PAXIP1: variants seen among roughly 807,000 people sequenced by gnomAD.
The protein encoded by PAXIP1 is PAX interacting protein 1, also known as PAX-interacting protein 1.
Under a neutral mutation model 140.6 loss-of-function variants are expected in PAXIP1, and 19 were observed. The observed-to-expected ratio is 0.14, with a 90% CI of 0.09 to 0.20. PAXIP1 has a LOEUF of 0.20. Ranked by LOEUF, PAXIP1 falls within the 10% of genes least tolerant of loss-of-function variation. PAXIP1 has a pLI of 1.00. For synonymous variants in PAXIP1, 442 were observed against 444.6 expected, an observed-to-expected ratio of 0.99 and a Z score of 0.07; for missense variants, 920 against 1,208.6, an observed-to-expected ratio of 0.76 and a Z score of 3.54.
In PAXIP1 at chr7:154,963,766, T is replaced by A. The variant is rs1242033544; in HGVS notation, c.1894A>T (p.Ile632Leu). ...ACAGTGCCGCCATGTGCCTGGATTATCTACACACAAAGACCCGACCAATGC... is the reference window on the plus strand; with the variant it reads ...ACAGTGCCGCCATGTGCCTGGATTAACTACACACAAAGACCCGACCAATGC... ...DKQLLATWKRIIQAHGGTVDP... is the reference protein window; with the variant it reads ...DKQLLATWKRLIQAHGGTVDP... The change falls in exon 9 of 21, where the codon ATA becomes TTA. Residue 632 changes from isoleucine (I) to leucine (L), a missense_variant and splice_region_variant. Physicochemically the swap from Ile to Leu is conservative, Grantham distance 5. Transcript: ENST00000404141. This position sits in a 1 kb window ranked among gnomAD's most constrained non-coding sequence, Gnocchi z 4.1. 2 of 1,610,670 alleles carry A rather than the reference T, an allele frequency of 1.2e-6. No homozygotes were observed. The highest frequency in any genetic ancestry group is 8.5e-7 in the Non-Finnish European group (1 of 1,177,598).
chr7:154,952,138 T>C (rs2150742088), intron 16 of PAXIP1: 1 of 152,386 alleles, frequency 6.6e-6, no homozygotes, highest in South Asian at 2.1e-4. Flanking sequence ...TAATACCTTT[T>C]TAGAGTCAAA....
At chr7:154,964,550 T>A (rs1364790990) in intron 8 of PAXIP1, 3 of 152,182 alleles carry the variant, frequency 2.0e-5, no homozygotes, top group Admixed American at 2.0e-4. Context: ...TCCTCACCCA[T>A]CCCTGCTTTT....
At chr7:154,948,079 G>A (rs1305088736) in intron 16 of PAXIP1, 76 bp from the exon 17 acceptor site, 25 of 939,252 alleles carry the variant, frequency 2.7e-5, no homozygotes, top group Middle Eastern at 2.1e-4. Context: ...CAAAATTCTC[G>A]CCCATATTCA....
chr7:154,991,982 G>A (rs188486171), intron 3 of PAXIP1, among the ~76,000 whole-genome samples: 7 of 152,242 alleles, frequency 4.6e-5, no homozygotes, highest in Non-Finnish European at 7.4e-5. Flanking sequence ...TTCCCTGGCT[G>A]TAAAAAAAAC....
intron 16 of PAXIP1, among the ~76,000 whole-genome samples, chr7:154,953,769 G>A (rs4546614): frequency 6.6e-6 from 1 of 151,974 alleles, no homozygotes; most frequent in African/African-American, 2.4e-5. Flanking sequence ...TACATACCAT[G>A]TCTAAATGTG....
chr7:154,985,090 C>T (rs1218761440), intron 4 of PAXIP1, among the ~76,000 whole-genome samples: 3 of 152,160 alleles, frequency 2.0e-5, no homozygotes, highest in Non-Finnish European at 4.4e-5. Flanking sequence ...TTTGAACATC[C>T]ATACCAGCTC....
chr7:154,963,733 T>C lies in PAXIP1; in HGVS notation c.1927A>G (p.Thr643Ala). 1 of 1,613,364 alleles carries C rather than the reference T, an allele frequency of 6.2e-7. No homozygotes were observed. The highest frequency in any genetic ancestry group is 8.5e-7 in the Non-Finnish European group (1 of 1,179,692). ...IQAHGGTVDP[T>A]FTSRCTHLLC... ...AGGTGCGTGCATCGACTCGTGAAGGTGGGGTCAACAGTGCCGCCATGTGCC... is the reference window on the plus strand; with the variant it reads ...AGGTGCGTGCATCGACTCGTGAAGGCGGGGTCAACAGTGCCGCCATGTGCC... Residue 643 changes from threonine to alanine, a missense_variant, in exon 9 of 21, where the codon ACC becomes GCC. Coordinates refer to ENST00000404141, the MANE Select transcript of PAXIP1 (RefSeq NM_007349.4). This position sits in a 1 kb window ranked among gnomAD's most constrained non-coding sequence, Gnocchi z 4.1.
intron 2 of PAXIP1, among the ~76,000 whole-genome samples, chr7:154,995,672 A>G (rs1810559148): frequency 1.3e-5 from 2 of 152,202 alleles, no homozygotes; most frequent in African/African-American, 2.4e-5. Flanking sequence ...CAACATGGTG[A>G]AACCCCGTCT....
intron 8 of PAXIP1, chr7:154,965,577 G>C (rs1170707597): frequency 6.6e-6 from 1 of 152,188 alleles, no homozygotes; most frequent in Non-Finnish European, 1.5e-5. Flanking sequence ...CCTCCTCCTA[G>C]GCCCACTCAT....
At chr7:154,995,596 T>C (rs1810549755) in intron 2 of PAXIP1, among the ~76,000 whole-genome samples, 1 of 152,238 alleles carries the variant, frequency 6.6e-6, no homozygotes, top group African/African-American at 2.4e-5. Flanking sequence ...ATGCCTGTAA[T>C]CTCAGCACTT....
At chr7:154,953,516 G>T (rs1808373371) in intron 16 of PAXIP1, among the ~76,000 whole-genome samples, 1 of 152,138 alleles carries the variant, frequency 6.6e-6, no homozygotes, top group Admixed American at 6.5e-5. Flanking sequence ...ACAGGGCCCA[G>T]GGGAGGATGG....
At chr7:154,991,786 C>T (rs1810341984) in intron 3 of PAXIP1, among the ~76,000 whole-genome samples, 1 of 152,144 alleles carries the variant, frequency 6.6e-6, no homozygotes, top group Non-Finnish European at 1.5e-5. Flanking sequence ...CAAACAATGA[C>T]TTTTTTTGAA....
intron 4 of PAXIP1, among the ~76,000 whole-genome samples, chr7:154,989,164 C>A (rs1283571018): frequency 2.0e-5 from 3 of 152,130 alleles, no homozygotes; most frequent in Non-Finnish European, 2.9e-5. Context: ...TAGAGAACTT[C>A]CAGAATACAA....
At chr7:154,951,847 A>C in intron 16 of PAXIP1, 1 of 152,236 alleles carries the variant, frequency 6.6e-6, no homozygotes, top group East Asian at 1.9e-4. Flanking sequence ...AAAGTCAGAA[A>C]GTAACAAAAA....
intron 6 of PAXIP1, among the ~76,000 whole-genome samples, chr7:154,971,764 T>C (rs779218366): frequency 1.3e-5 from 2 of 152,240 alleles, no homozygotes; most frequent in Non-Finnish European, 2.9e-5. Flanking sequence ...ACATGGCTTC[T>C]AACCACTATA....
chr7:154,962,173 T>G, intron 10 of PAXIP1, 148 bp downstream of exon 10: 1 of 704,640 alleles, frequency 1.4e-6, no homozygotes, highest in South Asian at 2.1e-5. Flanking sequence ...CTATTTCTTA[T>G]GAGCAGGCAC....
Position 154,946,329 on chromosome 7 carries a change from C to T in PAXIP1, c.3194+36G>A, listed in dbSNP as rs763682092. 1.2e-6 allele frequency: 2 copies of T among 1,613,456 alleles called. No individual in the cohort carries two copies. Among genetic ancestry groups the T allele is most frequent in the East Asian group, 2.2e-5 (1 of 44,878 alleles). On this transcript the variant is annotated intron_variant, in intron 20 of 20. Coordinates refer to ENST00000404141, the MANE Select transcript of PAXIP1 (RefSeq NM_007349.4). This position sits in a 1 kb window ranked among gnomAD's most constrained non-coding sequence, Gnocchi z 4.9. ...CCTGGGAAATCCATTTCATATCTAA[C>T]CCGTCTACTTTTTAATTCTCTTTTG...
chr7:154,969,199 A>AGAAT, intron 6 of PAXIP1, 73 bp from the exon 7 acceptor site: 1 of 1,396,422 alleles, frequency 7.2e-7, no homozygotes, highest in Middle Eastern at 2.6e-4. Flanking sequence ...CTTAGTCAAG[A>AGAAT]GAATGGCATA....
rs1248705567 is a variant in PAXIP1, at chr7:154,968,413, T to C, written c.1788A>G (p.Pro596=). ...PQQHQLFGHD[P]AVEIPEEGFL... ...ATCTCCATTACTAACTCTCCACTGC[T>C]GGATCATGTCCAAAAAGCTGATGCT... Residue 596 remains proline, a synonymous_variant, in exon 7 of 21, where the codon CCA becomes CCG. Coordinates refer to ENST00000404141, the MANE Select transcript of PAXIP1 (RefSeq NM_007349.4). 1.9e-6 allele frequency: 3 copies of C among 1,547,848 alleles called. No homozygotes were observed. The highest frequency in any genetic ancestry group is 1.7e-4 in the Middle Eastern group (1 of 5,976).
Sources: gnomAD v4.1 joint callset for allele counts (sites outside exome capture counted in the v4.1 genomes callset) on GRCh38, gnomAD v4.1.1 for gene constraint, Gnocchi (gnomAD v3.1) non-coding constraint, MANE v1.5 for transcripts, NCBI Gene and HGNC (gene_info 2026-07-23, HGNC 2026-07-21) for gene names.